Variants in DENND2C observed in about 807,000 individuals in gnomAD.
DENND2C encodes the protein DENN domain containing 2C.
DENND2C carries 72 observed loss-of-function variants against 112.4 expected under a neutral mutation model. The ratio of observed to expected loss-of-function variants is 0.64; its 90% CI spans 0.53 to 0.78. The LOEUF (loss-of-function observed/expected upper bound fraction) is 0.78, where lower values mean the gene tolerates loss of function less well. Among genes scored for constraint, DENND2C ranks in the 30% least tolerant of loss-of-function variants. The probability of loss-of-function intolerance (pLI) is 0.00; values close to 1 mark genes in which losing one functional copy is unlikely to be tolerated. For synonymous variants in DENND2C, 329 were observed against 381.6 expected, an observed-to-expected ratio of 0.86 and a Z score of 1.61; for missense variants, 992 against 1,113.8, an observed-to-expected ratio of 0.89 and a Z score of 1.56.
rs1655007378 is a variant in DENND2C, at chr1:114,585,103, T to C, written c.*497A>G. On this transcript the variant is annotated 3_prime_UTR_variant, in exon 21 of 21. Coordinates refer to ENST00000393274, the MANE Select transcript of DENND2C (RefSeq NM_001256404.2). ...ACAATGGAGATATGTGATGAGTCTA[T>C]TCCTTAGCCCAGGTCAAACAGCCCA... 6.5e-6 allele frequency: 1 copy of C among 154,704 alleles called. No homozygotes were observed. The highest frequency in any genetic ancestry group is 2.0e-4 in the South Asian group (1 of 4,996). The allele number at this position is 154,704 out of a possible 1,614,324, so 9.6% of individuals were successfully genotyped here.
chr1:114,649,891 C>T (rs1273717865), intron 2 of DENND2C, among the ~76,000 whole-genome samples: 2 of 152,256 alleles, frequency 1.3e-5, no homozygotes, highest in East Asian at 1.9e-4. Context: ...GAAAAATACC[C>T]GTAAGTCTAC....
At chr1:114,658,283 T>C (rs1349952376) in intron 1 of DENND2C, among the ~76,000 whole-genome samples, 5 of 151,974 alleles carry the variant, frequency 3.3e-5, no homozygotes, top group Admixed American at 2.0e-4. Context: ...TTAGGGACCA[T>C]AGATAAGAAG....
chr1:114,657,851 G>A (rs1211957209), intron 1 of DENND2C, among the ~76,000 whole-genome samples: 2 of 152,170 alleles, frequency 1.3e-5, no homozygotes, highest in Non-Finnish European at 2.9e-5. Context: ...ACACCAGTGG[G>A]AAGGAGTCGC....
chr1:114,616,579 G>A (rs1655977156), intron 8 of DENND2C, among the ~76,000 whole-genome samples: 2 of 152,000 alleles, frequency 1.3e-5, no homozygotes, highest in African/African-American at 4.8e-5. Flanking sequence ...CCAAGGCTGG[G>A]CATGGTGGCT....
At chr1:114,647,477 A>G (rs111923059) in intron 2 of DENND2C, among the ~76,000 whole-genome samples, 334 of 152,172 alleles carry the variant, frequency 2.2e-3, no homozygotes, top group African/African-American at 7.7e-3. Context: ...CCTGGTGACA[A>G]TAGTCTCTAA....
intron 8 of DENND2C, 73 bp downstream of exon 8, chr1:114,618,313 A>T: frequency 1.7e-6 from 2 of 1,148,150 alleles, no homozygotes; most frequent in Non-Finnish European, 2.4e-6. Context: ...CACATCAAAC[A>T]TTAAGTTATA....
chr1:114,599,480 A>G (rs1329394108), intron 15 of DENND2C, 29 bp from the exon 16 acceptor site: 1 of 1,555,594 alleles, frequency 6.4e-7, no homozygotes, highest in African/African-American at 1.3e-5. Context: ...AAATGGTGTC[A>G]TATATAGAGT....
intron 8 of DENND2C, among the ~76,000 whole-genome samples, chr1:114,617,343 C>T (rs1655999900): frequency 6.6e-6 from 1 of 152,118 alleles, no homozygotes; most frequent in Non-Finnish European, 1.5e-5. Context: ...TGGAGTCTCA[C>T]TCTGTCACCC....
At chr1:114,634,798 C>G (rs868257761) in intron 3 of DENND2C, among the ~76,000 whole-genome samples, 2 of 152,022 alleles carry the variant, frequency 1.3e-5, no homozygotes, top group Middle Eastern at 3.4e-3. Flanking sequence ...GAGGCCGAGG[C>G]GAGCAGATCA....
chr1:114,620,764 A>G (rs761443731), intron 7 of DENND2C, among the ~76,000 whole-genome samples: 4 of 152,206 alleles, frequency 2.6e-5, no homozygotes, highest in Non-Finnish European at 5.9e-5. Flanking sequence ...TTTAGCTTTA[A>G]AAAACCTCTA....
intron 3 of DENND2C, among the ~76,000 whole-genome samples, chr1:114,635,688 C>T (rs546457267): frequency 1.3e-5 from 2 of 152,190 alleles, no homozygotes; most frequent in South Asian, 4.1e-4. Context: ...AACTCATGAA[C>T]ATAAATGCAA....
intron 3 of DENND2C, among the ~76,000 whole-genome samples, chr1:114,644,131 C>T (rs1656916247): frequency 6.6e-6 from 1 of 152,168 alleles, no homozygotes; most frequent in East Asian, 1.9e-4. Context: ...ATCATCTTTA[C>T]TGCTAACACA....
chr1:114,637,497 A>G (rs1179189375), intron 3 of DENND2C, among the ~76,000 whole-genome samples: 2 of 152,118 alleles, frequency 1.3e-5, no homozygotes, highest in African/African-American at 4.8e-5. Flanking sequence ...GATATTACAC[A>G]TTAATGTACT....
intron 3 of DENND2C, among the ~76,000 whole-genome samples, chr1:114,631,656 C>T (rs554481031): frequency 6.6e-6 from 1 of 152,192 alleles, no homozygotes; most frequent in Admixed American, 6.5e-5. Flanking sequence ...GTGGCGGGTG[C>T]CTGTAGTCCC....
At chr1:114,630,166 A>C (rs1420880181) in intron 3 of DENND2C, among the ~76,000 whole-genome samples, 1 of 151,918 alleles carries the variant, frequency 6.6e-6, no homozygotes, top group Non-Finnish European at 1.5e-5. Context: ...TTAGCTGGGC[A>C]TGGTGGCATA....
At chr1:114,622,917 C>A (rs1279239014) in intron 6 of DENND2C, 70 bp downstream of exon 6, 9 of 1,184,102 alleles carry the variant, frequency 7.6e-6, no homozygotes, top group Non-Finnish European at 3.6e-6. Context: ...CCAGTTAAAT[C>A]CCCTTAATCT....
chr1:114,649,307 TC>T (rs1284639535), intron 2 of DENND2C, among the ~76,000 whole-genome samples: 1 of 152,156 alleles, frequency 6.6e-6, no homozygotes, highest in East Asian at 1.9e-4. Flanking sequence ...AAAATAACTG[TC>T]CCAAACTAGA....
intron 1 of DENND2C, among the ~76,000 whole-genome samples, chr1:114,663,595 T>G (rs1050615695): frequency 6.6e-6 from 1 of 152,246 alleles, no homozygotes; most frequent in African/African-American, 2.4e-5. Context: ...TCCGTTAAGG[T>G]TGGCAGACTA....
Position 114,625,725 on chromosome 1 carries a change from G to C in DENND2C, c.260C>G (p.Thr87Ser), listed in dbSNP as rs570055370. The C allele has an allele frequency of 2.1e-4, 337 of 1,613,902 alleles. 6 individuals are homozygous for C. The South Asian group carries it at 3.0e-3, about 14-fold the overall frequency. Residue 87 changes from threonine (T) to serine (S), a missense_variant, in exon 4 of 21, where the codon ACC (threonine) becomes AGC (serine). Around this residue, in one of 3 missense-constraint regions of DENND2C, gnomAD observed 470 missense variants for 472.7 expected, o/e 0.99. Coordinates refer to ENST00000393274, the MANE Select transcript of DENND2C (RefSeq NM_001256404.2). Reference protein sequence around the residue: ...ENVGLDINENTKSHDQSENEN... With the variant: ...ENVGLDINENSKSHDQSENEN... The stretch of plus-strand genomic sequence containing the variant: ...ATTCTCACTTTGATCATGGCTTTTG[G>C]TATTTTCATTTATATCTAGACCCAC...
Sources: gnomAD v4.1 joint callset for allele counts (sites outside exome capture counted in the v4.1 genomes callset) on GRCh38, gnomAD v4.1.1 for gene constraint, gnomAD v4.1.1 regional missense constraint, MANE v1.5 for transcripts, NCBI Gene and HGNC (gene_info 2026-07-23, HGNC 2026-07-21) for gene names.